The following TMEM255B variants were observed in gnomAD, a reference collection of about 807,000 sequenced individuals.
TMEM255B encodes the protein family with sequence similarity 70, member B.
TMEM255B carries 35 observed loss-of-function variants against 34.5 expected under a neutral mutation model. The ratio of observed to expected loss-of-function variants is 1.01; its 90% CI spans 0.77 to 1.34. The LOEUF (loss-of-function observed/expected upper bound fraction) is 1.34. Among genes scored for constraint, TMEM255B ranks in the 40% most tolerant of loss-of-function variants. The pLI is 0.00. For synonymous variants in TMEM255B, 206 were observed against 201.2 expected, an observed-to-expected ratio of 1.02 and a Z score of -0.20; for missense variants, 432 against 433.2, an observed-to-expected ratio of 1.00 and a Z score of 0.02.
At chr13:113,771,594 A>G (rs2050478937) in intron 3 of TMEM255B, among the ~76,000 whole-genome samples, 1 of 152,106 alleles carries the variant, frequency 6.6e-6, no homozygotes, top group Non-Finnish European at 1.5e-5. Context: ...CAGGAGAATC[A>G]CTTGAACCTG....
At position 113,812,853 on chromosome 13, in the gene TMEM255B, G is replaced by GA. The variant is rs1491444011; in HGVS notation, c.*950_*951insA. 1 of 116,838 alleles carries GA rather than the reference G, an allele frequency of 8.6e-6. No individual in the cohort carries two copies. Among genetic ancestry groups the GA allele is most frequent in the African/African-American group, 4.0e-5 (1 of 24,806 alleles). The allele number at this position is 116,838 out of a possible 1,614,324, so 7.2% of individuals were successfully genotyped here. A position where few individuals can be genotyped will look rare whatever the true frequency, so the allele number is the denominator to read the frequency against. On this transcript the variant is annotated 3_prime_UTR_variant, in exon 9 of 9. Transcript: ENST00000375353. ...GTCACAGGTCCCGGGTGGGTCACAG[G>GA]CATCCCGGGTGGGTCACAGGTCCCG...
chr13:113,767,318 A>G (rs557532904), intron 2 of TMEM255B, among the ~76,000 whole-genome samples: 2 of 152,394 alleles, frequency 1.3e-5, no homozygotes, highest in African/African-American at 4.8e-5. Context: ...AATAGTATCT[A>G]TGCAGAAAAA....
At chr13:113,774,582 A>G (rs1372534570) in intron 3 of TMEM255B, among the ~76,000 whole-genome samples, 3 of 140,776 alleles carry the variant, frequency 2.1e-5, no homozygotes, top group African/African-American at 5.5e-5. Context: ...TGACACACAC[A>G]CCACACAACA....
At chr13:113,809,337 T>C (rs1253895082) in intron 8 of TMEM255B, among the ~76,000 whole-genome samples, 162 of 19,634 alleles carry the variant, frequency 8.3e-3, no homozygotes, top group East Asian at 1.0e-2. Flanking sequence ...TTCCCGGGGG[T>C]TTAACTCTGT....
chr13:113,790,673 A>G (rs1338434729), intron 3 of TMEM255B, among the ~76,000 whole-genome samples: 5 of 147,884 alleles, frequency 3.4e-5, no homozygotes, highest in Admixed American at 1.3e-4. Context: ...TGGACATCCT[A>G]GCACTGAACT....
At chr13:113,766,453 A>C in intron 2 of TMEM255B, 196 bp downstream of exon 2, 1 of 793,410 alleles carries the variant, frequency 1.3e-6, no homozygotes, top group Non-Finnish European at 2.1e-6. Context: ...TGGCAGGTCC[A>C]AGGCAGAGGG....
At chr13:113,788,523 G>T (rs894385392) in intron 3 of TMEM255B, among the ~76,000 whole-genome samples, 3 of 152,016 alleles carry the variant, frequency 2.0e-5, no homozygotes, top group Non-Finnish European at 4.4e-5. Flanking sequence ...CCCTCGGCTG[G>T]TGGCTCCCTG....
At chr13:113,795,332 A>C in intron 4 of TMEM255B, 95 bp downstream of exon 4, 1 of 1,332,296 alleles carries the variant, frequency 7.5e-7, no homozygotes, top group East Asian at 2.6e-5. Flanking sequence ...CTCAGCTCAG[A>C]CGGCTTCACC....
rs2051075788 is a variant in TMEM255B, at chr13:113,802,039, C to A, written c.669+227C>A. Among the ~76,000 whole-genome samples, 3 of 152,362 alleles carry A rather than the reference C, an allele frequency of 2.0e-5. No homozygotes were observed. The South Asian group carries it at 6.2e-4, about 32-fold the overall frequency. On this transcript the variant is annotated intron_variant, in intron 7 of 8. Coordinates refer to ENST00000375353, the MANE Select transcript of TMEM255B (RefSeq NM_182614.4). Reference sequence around the variant, plus strand: ...AATCACCTGATTTAATCCTTGCCTCCCCGCTGAGGTGGGCACAGCCGTCCC... The same window carrying A: ...AATCACCTGATTTAATCCTTGCCTCACCGCTGAGGTGGGCACAGCCGTCCC...
At chr13:113,805,609 A>G (rs2051156640) in intron 8 of TMEM255B, among the ~76,000 whole-genome samples, 1 of 152,132 alleles carries the variant, frequency 6.6e-6, no homozygotes, top group African/African-American at 2.4e-5. Flanking sequence ...GGTGAAACAG[A>G]CCGGGCCACG....
chr13:113,785,325 A>G (rs1055443304), intron 3 of TMEM255B, among the ~76,000 whole-genome samples: 6 of 152,194 alleles, frequency 3.9e-5, no homozygotes, highest in African/African-American at 1.4e-4. Flanking sequence ...TTGCCTTCTG[A>G]TTTCCACCTG....
chr13:113,795,447 A>G (rs1199304229), intron 4 of TMEM255B, among the ~76,000 whole-genome samples: 1 of 151,486 alleles, frequency 6.6e-6, no homozygotes, highest in Non-Finnish European at 1.5e-5. Flanking sequence ...CACACCACAC[A>G]ACACACAGAG....
intron 3 of TMEM255B, among the ~76,000 whole-genome samples, chr13:113,778,087 G>A (rs146119780): frequency 1.3e-3 from 200 of 152,332 alleles, no homozygotes; most frequent in Non-Finnish European, 2.4e-3. Flanking sequence ...GACGTGGATG[G>A]GATGCATTCC....
At position 113,812,265 on chromosome 13, in the gene TMEM255B, T is replaced by C. The variant is rs2051327220; in HGVS notation, c.*362T>C. ...TGCAGCCCCGGCCTCCCTGCCTGTG[T>C]GTTCTTGTTTGTGGACATGTGTTGT... On this transcript the variant is annotated 3_prime_UTR_variant, in exon 9 of 9. Coordinates refer to ENST00000375353, the MANE Select transcript of TMEM255B (RefSeq NM_182614.4). 7.2e-6 allele frequency: 2 copies of C among 278,038 alleles called. No individual in the cohort carries two copies. Among genetic ancestry groups the C allele is most frequent in the South Asian group, 1.0e-4 (2 of 20,056 alleles). 17.2% of individuals were successfully genotyped at this position (278,038 alleles called of 1,614,324 possible).
intron 7 of TMEM255B, 83 bp downstream of exon 7, chr13:113,801,895 C>T: frequency 1.4e-6 from 2 of 1,416,452 alleles, no homozygotes; most frequent in Non-Finnish European, 9.4e-7. Context: ...TGGGGGGCCT[C>T]CAGCCCTCAC....
chr13:113,810,317 G>C (rs548509744), intron 8 of TMEM255B, among the ~76,000 whole-genome samples: 1 of 152,156 alleles, frequency 6.6e-6, no homozygotes, highest in Non-Finnish European at 1.5e-5. Flanking sequence ...TTTAAAATTT[G>C]ATTAGAAGTT....
At position 113,799,563 on chromosome 13, in the gene TMEM255B, A is replaced by G. The variant is rs1351484136; in HGVS notation, c.423+144A>G. 8 of 723,280 alleles carry G rather than the reference A, an allele frequency of 1.1e-5. No homozygotes were observed. The African/African-American group carries it at 1.2e-4, about 11-fold the overall frequency. 44.8% of individuals were successfully genotyped at this position (723,280 alleles called of 1,614,324 possible). ...CACCCCTGCAGCTGGTGAACCGTTGATGCCCCCTGTGTTTGGGACCTTGAC... is the reference window on the plus strand; with the variant it reads ...CACCCCTGCAGCTGGTGAACCGTTGGTGCCCCCTGTGTTTGGGACCTTGAC... On this transcript the variant is annotated intron_variant, in intron 5 of 8. Transcript: ENST00000375353.
At chr13:113,801,394 G>T (rs1222889058) in intron 6 of TMEM255B, among the ~76,000 whole-genome samples, 1 of 152,218 alleles carries the variant, frequency 6.6e-6, no homozygotes, top group African/African-American at 2.4e-5. Flanking sequence ...GTCCTGCCAG[G>T]CCATCGAGGC....
In TMEM255B at chr13:113,805,043, A is replaced by G. The variant is rs1351494897; in HGVS notation, c.813+15A>G. On this transcript the variant is annotated intron_variant, in intron 8 of 8. Coordinates refer to ENST00000375353, the MANE Select transcript of TMEM255B (RefSeq NM_182614.4). ...TGCCCCTTCAGGTAGGGCCAGCATC[A>G]CCTGCTGGAGTTGGACGCGCTGGTC... 1.1e-5 allele frequency: 17 copies of G among 1,587,036 alleles called. No individual in the cohort carries two copies. The highest frequency in any genetic ancestry group is 1.4e-5 in the Non-Finnish European group (16 of 1,168,188).
Sources: gnomAD v4.1 joint callset for allele counts (sites outside exome capture counted in the v4.1 genomes callset) on GRCh38, gnomAD v4.1.1 for gene constraint, MANE v1.5 for transcripts, NCBI Gene and HGNC (gene_info 2026-07-23, HGNC 2026-07-21) for gene names.